The following PCDHGA2 variants were observed in gnomAD, a reference collection of about 807,000 sequenced individuals.
PCDHGA2 encodes the protein protocadherin gamma subfamily A, 2, also known as protocadherin gamma-A2.
Under a neutral mutation model 59.2 loss-of-function variants are expected in PCDHGA2, and 40 were observed. The observed-to-expected ratio is 0.68, with a 90% CI of 0.52 to 0.88. The LOEUF is 0.88. PCDHGA2 is among the 40% of genes least tolerant of loss of function. The pLI is 0.00. For missense variants in PCDHGA2, 1,226 were observed against 1,204.0 expected, an observed-to-expected ratio of 1.02 and a Z score of -0.27; for synonymous variants, 560 against 526.0, an observed-to-expected ratio of 1.06 and a Z score of -0.89.
chr5:141,484,907 C>T, intron 1 of PCDHGA2: 1 of 409,994 alleles, frequency 2.4e-6, no homozygotes, highest in Non-Finnish European at 4.3e-6. Context: ...AATGCTGCGA[C>T]GCATTAACCC....
At chr5:141,385,426 T>G (rs1781187652) in intron 1 of PCDHGA2, 1 of 1,460,770 alleles carries the variant, frequency 6.8e-7, no homozygotes. Flanking sequence ...TTAAAAAACT[T>G]TATAGAGGTA....
intron 3 of PCDHGA2, among the ~76,000 whole-genome samples, chr5:141,505,861 C>A (rs115699706): frequency 0.034 from 5,102 of 152,242 alleles, 131 homozygotes; most frequent in Admixed American, 0.057. Flanking sequence ...GGGACAGGGA[C>A]CCCAAAGGGT....
intron 1 of PCDHGA2, chr5:141,376,577 C>T (rs1231719593): frequency 6.3e-6 from 10 of 1,592,924 alleles, no homozygotes; most frequent in Admixed American, 1.7e-5. Flanking sequence ...CAGACAGGCT[C>T]ATCAGCTAGA....
At chr5:141,470,015 G>C (rs999085849) in intron 1 of PCDHGA2, among the ~76,000 whole-genome samples, 1 of 152,130 alleles carries the variant, frequency 6.6e-6, no homozygotes, top group Non-Finnish European at 1.5e-5. Context: ...TGTAATCCCA[G>C]CTACTCGGGA....
chr5:141,503,960 T>TTC (rs2099834474), intron 2 of PCDHGA2, among the ~76,000 whole-genome samples: 1 of 152,172 alleles, frequency 6.6e-6, no homozygotes, highest in Admixed American at 6.5e-5. Flanking sequence ...CCTACAGCCT[T>TTC]TCCCATGGTG....
chr5:141,505,298 T>C, intron 2 of PCDHGA2, 95 bp from the exon 3 acceptor site: 1 of 1,586,334 alleles, frequency 6.3e-7, no homozygotes, highest in Non-Finnish European at 8.6e-7. Flanking sequence ...GGGGTAGGGT[T>C]AGGGTACTAG....
intron 1 of PCDHGA2, chr5:141,404,658 C>A: frequency 6.2e-7 from 1 of 1,614,198 alleles, no homozygotes; most frequent in Non-Finnish European, 8.5e-7. Flanking sequence ...GCCCTCCCCA[C>A]TGATGGTTCT....
chr5:141,344,484 C>T, intron 1 of PCDHGA2: 2 of 1,613,882 alleles, frequency 1.2e-6, no homozygotes, highest in Non-Finnish European at 8.5e-7. Flanking sequence ...TCCTGGAACC[C>T]GATTTCCAAT....
At chr5:141,463,518 G>C (rs537466389) in intron 1 of PCDHGA2, among the ~76,000 whole-genome samples, 1 of 139,068 alleles carries the variant, frequency 7.2e-6, no homozygotes, top group African/African-American at 2.8e-5. Context: ...GCGTGATCTC[G>C]GCTTACTAGA....
chr5:141,344,001 C>T, intron 1 of PCDHGA2: 1 of 1,496,096 alleles, frequency 6.7e-7, no homozygotes, highest in Non-Finnish European at 8.9e-7. Flanking sequence ...AAACTGGAAC[C>T]GAATTCAGAG....
Position 141,476,605 on chromosome 5 carries a change from T to C in PCDHGA2, c.2425-18202T>C, listed in dbSNP as rs1394742940. ...CGCTCGAGAGCGCGCACGATCCCGATGTGGGAAGCAACTCTTTACAAACCT... is the reference window on the plus strand; with the variant it reads ...CGCTCGAGAGCGCGCACGATCCCGACGTGGGAAGCAACTCTTTACAAACCT... On this transcript the variant is annotated intron_variant, in intron 1 of 3. Transcript: ENST00000394576. This position sits in a 1 kb window ranked among gnomAD's most constrained non-coding sequence, Gnocchi z 7.6. 1.9e-6 allele frequency: 3 copies of C among 1,614,066 alleles called. No individual in the cohort carries two copies. In the East Asian group the frequency reaches 6.7e-5, roughly 36 times the overall value.
chr5:141,409,412 C>A, intron 1 of PCDHGA2: 1 of 1,614,032 alleles, frequency 6.2e-7, no homozygotes, highest in Non-Finnish European at 8.5e-7. Flanking sequence ...CTACTACAAA[C>A]TGGTGACAGA....
Position 141,384,136 on chromosome 5 carries a change from G to A in PCDHGA2, c.2424+42741G>A. ...GGTCACAACCAAAAACTTGGACCGG[G>A]AAACACTCTCTTTGTATAACATCAC... is the stretch of plus-strand genomic sequence containing the variant. On this transcript the variant is annotated intron_variant, in intron 1 of 3. Coordinates refer to ENST00000394576, the MANE Select transcript of PCDHGA2 (RefSeq NM_018915.4). The A allele has an allele frequency of 1.9e-6, 3 of 1,612,410 alleles. No individual in the cohort carries two copies. In the South Asian group the frequency reaches 3.3e-5, roughly 18 times the overall value.
chr5:141,428,632 G>A (rs574049916), intron 1 of PCDHGA2: 35 of 182,522 alleles, frequency 1.9e-4, no homozygotes, highest in African/African-American at 7.6e-4. Context: ...CTCTAACTCT[G>A]TTGCTCCTAC....
At chr5:141,375,072 G>A in intron 1 of PCDHGA2, 8 of 1,614,044 alleles carry the variant, frequency 5.0e-6, no homozygotes, top group Non-Finnish European at 6.8e-6. Flanking sequence ...CTTCGAGACA[G>A]AGCGAAAGTC....
At chr5:141,420,010 GTC>G in intron 1 of PCDHGA2, 1 of 1,614,088 alleles carries the variant, frequency 6.2e-7, no homozygotes, top group South Asian at 1.1e-5. Context: ...GCCTGCGACA[GTC>G]TTTCAGCCCT....
intron 1 of PCDHGA2, among the ~76,000 whole-genome samples, chr5:141,463,541 C>T (rs1423301726): frequency 2.7e-5 from 4 of 150,402 alleles, no homozygotes; most frequent in East Asian, 2.0e-4. Flanking sequence ...CTCCGGCTCC[C>T]GGGTTCATGC....
intron 1 of PCDHGA2, chr5:141,419,330 C>G (rs2096361200): frequency 1.9e-6 from 3 of 1,613,958 alleles, no homozygotes; most frequent in Non-Finnish European, 2.5e-6. Context: ...CTCCTACTCT[C>G]TCATTGCCAG....
intron 1 of PCDHGA2, chr5:141,344,079 C>A: frequency 6.2e-7 from 1 of 1,610,426 alleles, no homozygotes; most frequent in Non-Finnish European, 8.5e-7. Context: ...ACTGGCCCTG[C>A]TGTGCGCGCT....
Sources: gnomAD v4.1 joint callset for allele counts (sites outside exome capture counted in the v4.1 genomes callset) on GRCh38, gnomAD v4.1.1 for gene constraint, Gnocchi (gnomAD v3.1) non-coding constraint, MANE v1.5 for transcripts, NCBI Gene and HGNC (gene_info 2026-07-23, HGNC 2026-07-21) for gene names.